The following CLEC17A variants were observed in gnomAD, a reference collection of about 807,000 sequenced individuals.
CLEC17A encodes C-type lectin domain family 17, member A.
A neutral mutation model predicts 61.3 loss-of-function variants in CLEC17A; 37 were observed. The ratio of observed to expected loss-of-function variants is 0.60; its 90% CI spans 0.46 to 0.79. The LOEUF is 0.79. CLEC17A is among the 30% of genes least tolerant of loss of function. The pLI, the probability that CLEC17A is intolerant of heterozygous loss-of-function variation, is 0.00. For missense variants in CLEC17A, 418 were observed against 464.7 expected (o/e 0.90, Z 0.92); for synonymous variants, 168 against 164.9 (o/e 1.02, Z -0.14).
chr19:14,588,473 A>G (rs1219764119), intron 3 of CLEC17A: 1 of 151,874 alleles, frequency 6.6e-6, no homozygotes, highest in African/African-American at 2.4e-5. Context: ...CATCTGCACT[A>G]AGTTTGGCAT....
chr19:14,607,996 G>A lies in CLEC17A; in HGVS notation c.1004+894G>A, dbSNP rs554408406. Among the ~76,000 whole-genome samples, 7 of 151,980 alleles carry A rather than the reference G, an allele frequency of 4.6e-5. No homozygotes were observed. The South Asian group carries it at 1.5e-3, about 32-fold the overall frequency. ...GGTAATCCTCCTGCCTCAGCCTCCC[G>A]AGTACCTGGGACCACAGTCACACAC... On this transcript the variant is annotated intron_variant, in intron 13 of 13. Coordinates refer to ENST00000417570, the MANE Select transcript of CLEC17A (RefSeq NM_001204118.2).
chr19:14,581,797 T>C (rs1246077425), upstream of CLEC17A, among the ~76,000 whole-genome samples: 4 of 151,526 alleles, frequency 2.6e-5, no homozygotes, highest in Non-Finnish European at 5.9e-5. Flanking sequence ...GGATTACAGG[T>C]GCGCGCCACC....
At chr19:14,597,342 T>C (rs2074575525) in intron 10 of CLEC17A, among the ~76,000 whole-genome samples, 181 bp downstream of exon 10, 1 of 152,136 alleles carries the variant, frequency 6.6e-6, no homozygotes, top group Non-Finnish European at 1.5e-5. Context: ...TGTGCATGTG[T>C]ATATGTGTCC....
chr19:14,587,778 T>G, intron 3 of CLEC17A, 87 bp downstream of exon 3: 1 of 1,577,720 alleles, frequency 6.3e-7, no homozygotes, highest in Non-Finnish European at 8.6e-7. Context: ...AGACACACAG[T>G]CAGTCTCCTC....
At chr19:14,596,815 T>A in intron 8 of CLEC17A, 61 bp from the exon 9 acceptor site, 1 of 1,565,906 alleles carries the variant, frequency 6.4e-7, no homozygotes, top group Non-Finnish European at 8.7e-7. Flanking sequence ...GACTTAAGAG[T>A]CTCTTCCTTA....
Position 14,611,326 on chromosome 19 carries a change from A to G in CLEC17A, c.*1130A>G, listed in dbSNP as rs2075034032. Among the ~76,000 whole-genome samples, 1 of 150,862 alleles carries G rather than the reference A, an allele frequency of 6.6e-6. No individual in the cohort carries two copies. Among genetic ancestry groups the G allele is most frequent in the Non-Finnish European group, 1.5e-5 (1 of 67,884 alleles). ...GTGAGGTTTGCACAAGCTAAGTGGC[A>G]GAATCAGACTTTTGCCAGAAGACTT... is the stretch of plus-strand genomic sequence containing the variant. On this transcript the variant is annotated 3_prime_UTR_variant, in exon 14 of 14. Transcript: ENST00000417570.
chr19:14,585,003 C>T (rs1307022267), intron 2 of CLEC17A, among the ~76,000 whole-genome samples: 3 of 151,424 alleles, frequency 2.0e-5, no homozygotes, highest in Non-Finnish European at 2.9e-5. Flanking sequence ...CTAATCCAAA[C>T]CCCACCTCAT....
Position 14,599,803 on chromosome 19 carries a change from G to T in CLEC17A, c.733G>T (p.Gly245Cys), listed in dbSNP as rs774935127. ...CAACCAGTCCCTGGTGGAACTTTGG[G>T]GCTTATTAGGTAAGTGAGACTTGGG... ...DTNQSLVELW[G>C]LLDCRRITCP... The change falls in exon 11 of 14, where the codon GGC (glycine) becomes TGC (cysteine). Residue 245 changes from glycine (G) to cysteine (C), a missense_variant. Transcript: ENST00000417570. The T allele has an allele frequency of 1.9e-6, 3 of 1,613,156 alleles. No individual in the cohort carries two copies. Among genetic ancestry groups the T allele is most frequent in the African/African-American group, 1.3e-5 (1 of 74,910 alleles).
chr19:14,602,611 C>T (rs562039781), intron 12 of CLEC17A, among the ~76,000 whole-genome samples: 13 of 151,980 alleles, frequency 8.6e-5, no homozygotes, highest in African/African-American at 2.7e-4. Context: ...ATTTTTAGAC[C>T]GTTTACATTT....
At chr19:14,600,683 G>A (rs754444453) in intron 12 of CLEC17A, among the ~76,000 whole-genome samples, 19 of 151,042 alleles carry the variant, frequency 1.3e-4, no homozygotes, top group Non-Finnish European at 1.8e-4. Context: ...CCGGGTTCAC[G>A]CCATTCTCCT....
chr19:14,587,407 T>C (rs1599532079), intron 2 of CLEC17A, among the ~76,000 whole-genome samples: 1 of 152,254 alleles, frequency 6.6e-6, no homozygotes, highest in African/African-American at 2.4e-5. Flanking sequence ...TTCCTGGTGT[T>C]AGCGGTAGCC....
Position 14,594,657 on chromosome 19 carries a change from TC to T in CLEC17A, c.338del (p.Pro113LeufsTer7). On this transcript the variant is annotated frameshift_variant, in exon 6 of 14. Transcript: ENST00000417570. LOFTEE classifies it high-confidence loss of function. ...AAKETEKPPL[P>X]CKPRNMTGLD... ...CAAAGGAAACAGAGAAACCCCCACT[TC>T]CTTGCAAGCCCCGGAACATGACAGG... 6.2e-7 allele frequency: 1 copy of T among 1,613,784 alleles called. No homozygotes were observed. The highest frequency in any genetic ancestry group is 8.5e-7 in the Non-Finnish European group (1 of 1,179,852).
intron 4 of CLEC17A, among the ~76,000 whole-genome samples, chr19:14,593,254 A>T (rs996075544): frequency 2.0e-5 from 3 of 149,186 alleles, no homozygotes; most frequent in Non-Finnish European, 4.4e-5. Flanking sequence ...AGATGGGAGG[A>T]TCACTTAGCC....
At chr19:14,604,455 T>A (rs1455751772) in intron 12 of CLEC17A, among the ~76,000 whole-genome samples, 2 of 152,104 alleles carry the variant, frequency 1.3e-5, no homozygotes, top group African/African-American at 4.8e-5. Context: ...TTACAAAAAT[T>A]TCAATCACCT....
intron 4 of CLEC17A, among the ~76,000 whole-genome samples, chr19:14,593,482 A>G (rs1453345091): frequency 1.3e-5 from 2 of 151,956 alleles, no homozygotes; most frequent in African/African-American, 4.8e-5. Flanking sequence ...CCCCAGCTAT[A>G]TGAAAACATT....
intron 5 of CLEC17A, 34 bp downstream of exon 5, chr19:14,594,583 G>T: frequency 6.2e-7 from 1 of 1,613,314 alleles, no homozygotes; most frequent in Non-Finnish European, 8.5e-7. Context: ...GAGACCCAGA[G>T]CTGGCTTTGC....
At chr19:14,602,725 T>C (rs2074753267) in intron 12 of CLEC17A, among the ~76,000 whole-genome samples, 1 of 152,142 alleles carries the variant, frequency 6.6e-6, no homozygotes, top group African/African-American at 2.4e-5. Context: ...GCATTATTTG[T>C]ATGAGTAGTT....
At chr19:14,595,163 C>T in intron 7 of CLEC17A, 111 bp from the exon 8 acceptor site, 1 of 1,265,790 alleles carries the variant, frequency 7.9e-7, no homozygotes, top group South Asian at 1.3e-5. Flanking sequence ...TGAGCCACTG[C>T]CCACAGCCAG....
At chr19:14,598,328 C>T (rs1419544313) in intron 10 of CLEC17A, among the ~76,000 whole-genome samples, 1 of 141,576 alleles carries the variant, frequency 7.1e-6, no homozygotes, top group East Asian at 2.0e-4. Context: ...CTCTCTCTCA[C>T]TATCTCTTTC....
Sources: gnomAD v4.1 joint callset for allele counts (sites outside exome capture counted in the v4.1 genomes callset) on GRCh38, gnomAD v4.1.1 for gene constraint, MANE v1.5 for transcripts, NCBI Gene and HGNC (gene_info 2026-07-23, HGNC 2026-07-21) for gene names.